The following CFAP47 variants were observed in gnomAD, a reference collection of about 807,000 sequenced individuals.
CFAP47 encodes the protein cilia- and flagella-associated protein 47.
In CFAP47, 29 loss-of-function variants were observed where a neutral mutation model predicts 148.1. That is an observed-to-expected ratio of 0.20 (90% CI 0.15 to 0.27). CFAP47 has a LOEUF of 0.27. Ranked by LOEUF, CFAP47 falls within the 10% of genes least tolerant of loss-of-function variation. The probability of loss-of-function intolerance (pLI) is 1.00; values close to 1 mark genes in which losing one functional copy is unlikely to be tolerated. For missense variants in CFAP47, 1,872 were observed against 1,697.5 expected, an observed-to-expected ratio of 1.10 and a Z score of -1.81; for synonymous variants, 664 against 577.3, an observed-to-expected ratio of 1.15 and a Z score of -2.15.
chrX:36,023,949 C>G (rs1301621798), intron 22 of CFAP47, among the ~76,000 whole-genome samples: 1 of 112,207 alleles, frequency 8.9e-6, no homozygotes, highest in African/African-American at 3.2e-5. Context: ...GGTGCTCTCC[C>G]CCACTGTTGC....
At chrX:36,018,658 A>G (rs1443341287) in intron 22 of CFAP47, among the ~76,000 whole-genome samples, 1 of 112,253 alleles carries the variant, frequency 8.9e-6, no homozygotes, top group African/African-American at 3.2e-5. Context: ...TGATTTACAT[A>G]TATTATTCCA....
chrX:35,944,536 T>C (rs1936057821), intron 3 of CFAP47, among the ~76,000 whole-genome samples: 2 of 111,333 alleles, frequency 1.8e-5, no homozygotes, highest in South Asian at 7.5e-4. Context: ...CATACATATT[T>C]AGTGTGCTTA....
rs1166032798 is a variant in CFAP47 at position 36,299,160 on chromosome X, T to A, written c.7862+8T>A. 2 of 989,480 alleles carry A rather than the reference T, an allele frequency of 2.0e-6. No individual in the cohort carries two copies. The highest frequency in any genetic ancestry group is 2.6e-6 in the Non-Finnish European group (2 of 758,993). 81.5% of individuals were successfully genotyped at this position (989,480 alleles called of 1,213,427 possible). ...AGGCTACAGCGATGAAAGGTATGGTTTGAGTGTGGCATTATATTTCATTGT... is the reference window on the plus strand; with the variant it reads ...AGGCTACAGCGATGAAAGGTATGGTATGAGTGTGGCATTATATTTCATTGT... On this transcript the variant is annotated splice_region_variant and intron_variant, in intron 52 of 63. Transcript: ENST00000378653.
rs182102317 is a variant in CFAP47, at chrX:36,385,146, C to A, written c.*140C>A. 1.1e-4 allele frequency: 48 copies of A among 450,429 alleles called. No individual in the cohort carries two copies. Among genetic ancestry groups the A allele is most frequent in the African/African-American group, 9.9e-4 (40 of 40,374 alleles). 37.1% of individuals were successfully genotyped at this position (450,429 alleles called of 1,213,427 possible). On this transcript the variant is annotated 3_prime_UTR_variant, in exon 64 of 64. Transcript: ENST00000378653. ...CTTGTCTTTTAAAATTCAATCTGTT[C>A]TCTGAATATATTATACTTCATTTGT...
intron 20 of CFAP47, among the ~76,000 whole-genome samples, chrX:36,001,382 G>A (rs760819289): frequency 3.5e-4 from 39 of 111,092 alleles, no homozygotes; most frequent in African/African-American, 1.0e-3. Flanking sequence ...ATTCATCTGA[G>A]TATGACTATA....
At chrX:36,093,617 A>T (rs1400443571) in intron 30 of CFAP47, among the ~76,000 whole-genome samples, 1 of 111,734 alleles carries the variant, frequency 8.9e-6, no homozygotes, top group Non-Finnish European at 1.9e-5. Flanking sequence ...GAAATAGAAA[A>T]CTACAAAAAT....
rs774157872 is a variant in CFAP47 at position 36,098,786 on chromosome X, A to T, written c.4917-7A>T. 8.8e-7 allele frequency: 1 copy of T among 1,133,108 alleles called. No individual in the cohort carries two copies. Among genetic ancestry groups the T allele is most frequent in the African/African-American group, 1.8e-5 (1 of 55,487 alleles). The allele number at this position is 1,133,108 out of a possible 1,213,427, so 93.4% of individuals were successfully genotyped here. On this transcript the variant is annotated splice_region_variant and splice_polypyrimidine_tract_variant and intron_variant, in intron 30 of 63. Coordinates refer to ENST00000378653, the MANE Select transcript of CFAP47 (RefSeq NM_001304548.2). ...TTATAATTTGAGTTTTTCTTTTTTA[A>T]TTTTAGTGCTCAAGGAGGATGTATT...
intron 50 of CFAP47, among the ~76,000 whole-genome samples, chrX:36,282,271 G>A (rs1301794684): frequency 1.8e-5 from 2 of 110,836 alleles, no homozygotes; most frequent in Non-Finnish European, 3.8e-5. Context: ...ATAGATAATT[G>A]CTGTAGATGT....
At chrX:36,057,980 T>C (rs1218580463) in intron 26 of CFAP47, among the ~76,000 whole-genome samples, 1 of 111,980 alleles carries the variant, frequency 8.9e-6, no homozygotes, top group Non-Finnish European at 1.9e-5. Flanking sequence ...TGGCAGGAAG[T>C]TGGATTTAAT....
chrX:36,051,983 C>T (rs778432088), intron 26 of CFAP47, among the ~76,000 whole-genome samples: 133 of 111,478 alleles, frequency 1.2e-3, no homozygotes, highest in African/African-American at 3.8e-3. Flanking sequence ...TCTTGCCTGC[C>T]GCCATGTGAG....
intron 45 of CFAP47, among the ~76,000 whole-genome samples, chrX:36,216,726 G>A (rs1457342305): frequency 9.0e-6 from 1 of 111,367 alleles, no homozygotes; most frequent in Admixed American, 9.6e-5. Flanking sequence ...ATCACAGAGG[G>A]TAAAAGCCAT....
intron 23 of CFAP47, among the ~76,000 whole-genome samples, chrX:36,034,971 CCTCT>C (rs932541683): frequency 6.5e-5 from 7 of 107,572 alleles, no homozygotes; most frequent in African/African-American, 1.7e-4. Flanking sequence ...TATATGTGTC[CCTCT>C]CTCTCTATAT....
intron 21 of CFAP47, among the ~76,000 whole-genome samples, chrX:36,013,991 A>C (rs1003300194): frequency 9.8e-5 from 11 of 112,064 alleles, no homozygotes; most frequent in Non-Finnish European, 3.8e-5. Flanking sequence ...CTTTATGTGA[A>C]ATATATAGTT....
At chrX:36,183,872 C>T (rs1469609520) in intron 40 of CFAP47, among the ~76,000 whole-genome samples, 1 of 111,484 alleles carries the variant, frequency 9.0e-6, no homozygotes, top group Non-Finnish European at 1.9e-5. Flanking sequence ...CAGCTGGGCT[C>T]AGAAATGAGT....
chrX:35,941,414 C>T lies in CFAP47; in HGVS notation c.517+16C>T. On this transcript the variant is annotated intron_variant, in intron 3 of 63. Transcript: ENST00000378653. ...AAAGCTCCAGGTAAATCCTTCCTGT[C>T]ATATTTACTTACACTTTTAGAAGAG... 2 of 856,812 alleles carry T rather than the reference C, an allele frequency of 2.3e-6. No homozygotes were observed. The highest frequency in any genetic ancestry group is 1.6e-6 in the Non-Finnish European group (1 of 609,995). 70.6% of individuals were successfully genotyped at this position (856,812 alleles called of 1,213,427 possible). A position where few individuals can be genotyped will look rare whatever the true frequency, so the allele number is the denominator to read the frequency against.
intron 29 of CFAP47, 131 bp downstream of exon 29, chrX:36,073,495 C>T: frequency 9.2e-6 from 4 of 434,533 alleles, no homozygotes; most frequent in Non-Finnish European, 1.5e-5. Context: ...TATGAAGCAT[C>T]TCATAATTTA....
intron 2 of CFAP47, among the ~76,000 whole-genome samples, chrX:35,929,829 T>C (rs1448190717): frequency 9.1e-6 from 1 of 110,003 alleles, no homozygotes; most frequent in African/African-American, 3.3e-5. Flanking sequence ...AGAAACCTCG[T>C]CTCTACTAGA....
chrX:35,959,231 CT>C (rs770918443), intron 8 of CFAP47, among the ~76,000 whole-genome samples: 4 of 111,087 alleles, frequency 3.6e-5, no homozygotes, highest in Non-Finnish European at 5.7e-5. Flanking sequence ...ATTGGGCTGT[CT>C]TTTTTTTATG....
intron 26 of CFAP47, among the ~76,000 whole-genome samples, chrX:36,050,285 A>G (rs1381429708): frequency 9.0e-6 from 1 of 111,648 alleles, no homozygotes; most frequent in Admixed American, 9.6e-5. Context: ...AAAATGTGTG[A>G]AAAGTTGGAA....
Sources: gnomAD v4.1 joint callset for allele counts (sites outside exome capture counted in the v4.1 genomes callset) on GRCh38, gnomAD v4.1.1 for gene constraint, MANE v1.5 for transcripts, NCBI Gene and HGNC (gene_info 2026-07-23, HGNC 2026-07-21) for gene names.